LRMDA: variants seen among roughly 807,000 people sequenced by gnomAD.
LRMDA encodes leucine rich melanocyte differentiation associated, also known as leucine-rich melanocyte differentiation-associated protein.
A neutral mutation model predicts 29.8 loss-of-function variants in LRMDA; 18 were observed. That is an observed-to-expected ratio of 0.60 (90% CI 0.42 to 0.90). The LOEUF (loss-of-function observed/expected upper bound fraction) is 0.90, where lower values mean the gene tolerates loss of function less well. LRMDA is among the 40% of genes least tolerant of loss of function. The probability of loss-of-function intolerance (pLI) is 0.00; values close to 1 mark genes in which losing one functional copy is unlikely to be tolerated. For missense variants in LRMDA, 273 were observed against 273.9 expected (o/e 1.00, Z 0.02); for synonymous variants, 125 against 109.4 (o/e 1.14, Z -0.89).
intron 5 of LRMDA, among the ~76,000 whole-genome samples, chr10:76,212,270 A>ACACACACACAT (rs1564687628): frequency 8.1e-5 from 10 of 123,280 alleles, no homozygotes; most frequent in African/African-American, 1.2e-4. Context: ...CACACACATA[A>ACACACACACAT]AAAAAAAAAA....
intron 2 of LRMDA, among the ~76,000 whole-genome samples, chr10:75,490,359 A>G (rs1005007108): frequency 1.3e-5 from 2 of 148,324 alleles, no homozygotes; most frequent in African/African-American, 5.3e-5. Flanking sequence ...ACACACACAC[A>G]CACACACACA....
chr10:76,412,949 C>T (rs1841978082), intron 6 of LRMDA, among the ~76,000 whole-genome samples: 1 of 152,132 alleles, frequency 6.6e-6, no homozygotes, highest in Non-Finnish European at 1.5e-5. Context: ...CTTCCTTCCT[C>T]CTCTCTGGAT....
At chr10:76,229,164 G>A (rs143093381) in intron 5 of LRMDA, among the ~76,000 whole-genome samples, 2 of 152,326 alleles carry the variant, frequency 1.3e-5, no homozygotes, top group East Asian at 1.9e-4. Context: ...TTTGTTGGGC[G>A]AGAACGTCTG....
intron 4 of LRMDA, among the ~76,000 whole-genome samples, chr10:76,051,974 C>T (rs530286162): frequency 1.1e-4 from 16 of 152,272 alleles, no homozygotes; most frequent in Admixed American, 5.2e-4. Flanking sequence ...CAGTTGATCA[C>T]GGCTTCTGTT....
intron 2 of LRMDA, among the ~76,000 whole-genome samples, chr10:75,464,641 T>C (rs1844628472): frequency 6.6e-6 from 1 of 152,198 alleles, no homozygotes; most frequent in African/African-American, 2.4e-5. Flanking sequence ...GTGTCATTAG[T>C]CTTTGGTAAA....
At chr10:75,705,882 A>T (rs1042979227) in intron 2 of LRMDA, among the ~76,000 whole-genome samples, 2 of 152,180 alleles carry the variant, frequency 1.3e-5, no homozygotes, top group Non-Finnish European at 1.5e-5. Flanking sequence ...TTGCATTTTT[A>T]AAAATCATTT....
intron 2 of LRMDA, among the ~76,000 whole-genome samples, chr10:75,563,057 T>C (rs1015899783): frequency 4.2e-4 from 64 of 152,232 alleles, no homozygotes; most frequent in African/African-American, 1.5e-3. Flanking sequence ...TCTGTATTTC[T>C]TGAATCTGAA....
chr10:76,440,501 T>C (rs1842290807), intron 6 of LRMDA, among the ~76,000 whole-genome samples: 1 of 152,174 alleles, frequency 6.6e-6, no homozygotes, highest in Non-Finnish European at 1.5e-5. Context: ...TGTCTGTAAC[T>C]AGCTTTGCAA....
At chr10:76,355,781 G>C (rs76831624) in intron 6 of LRMDA, among the ~76,000 whole-genome samples, 4 of 152,178 alleles carry the variant, frequency 2.6e-5, no homozygotes, top group African/African-American at 4.8e-5. Flanking sequence ...AGAAAGGGAC[G>C]TTGAATTAGC....
intron 2 of LRMDA, among the ~76,000 whole-genome samples, chr10:75,465,485 C>T (rs1475017626): frequency 1.3e-5 from 2 of 152,156 alleles, no homozygotes; most frequent in Non-Finnish European, 2.9e-5. Context: ...ATTTTACGTG[C>T]CCTCTCTTGG....
At chr10:76,513,354 C>A (rs1843027185) in intron 6 of LRMDA, among the ~76,000 whole-genome samples, 1 of 152,172 alleles carries the variant, frequency 6.6e-6, no homozygotes, top group South Asian at 2.1e-4. Context: ...TTTTAGATTT[C>A]TAATTGGATC....
rs144764480 is a variant in LRMDA at position 75,679,220 on chromosome 10, C to A, written c.131+240726C>A. ...CACTATTGTGGCTTTAAGTCCTAAA[C>A]CTTGTTTTTCTTTTCTAAAACAACA... On this transcript the variant is annotated intron_variant, in intron 2 of 6. Transcript: ENST00000611255. 5.1e-4 allele frequency among the ~76,000 whole-genome samples: 77 copies of A among 152,304 alleles called. No homozygotes were observed. In the Middle Eastern group the frequency reaches 0.02, roughly 40 times the overall value.
intron 2 of LRMDA, among the ~76,000 whole-genome samples, chr10:75,973,025 C>T (rs980599167): frequency 1.5e-5 from 1 of 66,228 alleles, no homozygotes; most frequent in African/African-American, 1.3e-4. Flanking sequence ...TTAACAACAG[C>T]AGCAGCAGCA....
At chr10:75,487,789 C>T (rs2132058245) in intron 2 of LRMDA, among the ~76,000 whole-genome samples, 2 of 152,284 alleles carry the variant, frequency 1.3e-5, no homozygotes, top group Middle Eastern at 3.4e-3. Flanking sequence ...GCAGGGTCGG[C>T]CAAGCTCTTG....
intron 2 of LRMDA, among the ~76,000 whole-genome samples, chr10:75,875,564 C>T (rs1221985950): frequency 1.3e-5 from 2 of 152,160 alleles, no homozygotes; most frequent in Admixed American, 1.3e-4. Context: ...CTCCAAGTAG[C>T]TGGGATTACA....
At chr10:75,497,859 G>A (rs1455306730) in intron 2 of LRMDA, among the ~76,000 whole-genome samples, 1 of 152,104 alleles carries the variant, frequency 6.6e-6, no homozygotes. Flanking sequence ...GTATTAAGCT[G>A]CTGTGAACAC....
intron 2 of LRMDA, among the ~76,000 whole-genome samples, chr10:75,972,385 T>C (rs780344019): frequency 6.6e-6 from 1 of 152,116 alleles, no homozygotes; most frequent in Non-Finnish European, 1.5e-5. Flanking sequence ...AGGAAAAAAC[T>C]TGTCCCCAAA....
At chr10:75,790,766 T>A (rs963198621) in intron 2 of LRMDA, among the ~76,000 whole-genome samples, 46 of 152,186 alleles carry the variant, frequency 3.0e-4, no homozygotes, top group Admixed American at 3.3e-4. Context: ...AACAAAGAGA[T>A]ATGTAGTCTT....
At chr10:76,326,756 A>T (rs1408624000) in intron 6 of LRMDA, among the ~76,000 whole-genome samples, 1 of 152,214 alleles carries the variant, frequency 6.6e-6, no homozygotes. Flanking sequence ...GATAGGTCCA[A>T]GATTCATGTC....
Sources: allele counts gnomAD v4.1 joint callset (sites outside exome capture counted in the v4.1 genomes callset), GRCh38; gene constraint gnomAD v4.1.1; transcripts MANE v1.5; gene names NCBI Gene and HGNC (gene_info 2026-07-23, HGNC 2026-07-21).